Variants in CCDC66 observed in about 807,000 individuals in gnomAD.
CCDC66 encodes coiled-coil domain containing 66.
Under a neutral mutation model 128.3 loss-of-function variants are expected in CCDC66, and 133 were observed. The observed-to-expected ratio is 1.04, with a 90% CI of 0.90 to 1.20. The LOEUF (loss-of-function observed/expected upper bound fraction) is 1.20, where lower values mean the gene tolerates loss of function less well. CCDC66 is among the 50% of genes most tolerant of loss of function. The probability of loss-of-function intolerance (pLI) is 0.00; values close to 1 mark genes in which losing one functional copy is unlikely to be tolerated. For missense variants in CCDC66, 1,126 were observed against 1,075.5 expected (o/e 1.05, Z -0.66); for synonymous variants, 387 against 357.0 (o/e 1.08, Z -0.95).
At chr3:56,569,398 AG>A in intron 6 of CCDC66, 1 of 279,878 alleles carries the variant, frequency 3.6e-6, no homozygotes, top group Non-Finnish European at 7.5e-6. Context: ...TGGAAGGCAA[AG>A]GGGGAGCAGG....
intron 10 of CCDC66, among the ~76,000 whole-genome samples, chr3:56,604,509 A>G (rs967959603): frequency 6.6e-6 from 1 of 151,946 alleles, no homozygotes; most frequent in South Asian, 2.1e-4. Flanking sequence ...TTGTCTATAA[A>G]GGATTTTATT....
Position 56,621,818 on chromosome 3 carries a change from T to TAA in CCDC66, c.*218_*219dup, listed in dbSNP as rs11401064. 11,311 of 133,886 alleles carry TAA rather than the reference T, an allele frequency of 0.084. 602 individuals carry two copies. Among genetic ancestry groups the TAA allele is most frequent in the African/African-American group, 0.15 (5,194 of 34,500 alleles). 8.3% of individuals were successfully genotyped at this position (133,886 alleles called of 1,614,324 possible). On this transcript the variant is annotated 3_prime_UTR_variant, in exon 18 of 18. Transcript: ENST00000394672. ...TACTTCTTTTGTAAAAGCTTAGTAGTAAAAAAAAAAAAAAAAAAACCGGTT... is the reference window on the plus strand; with the variant it reads ...TACTTCTTTTGTAAAAGCTTAGTAGTAAAAAAAAAAAAAAAAAAAAACCGGTT...
rs1393279771 is a variant in CCDC66 at position 56,613,601 on chromosome 3, G to T, written c.1417G>T (p.Ala473Ser). 1 of 1,612,466 alleles carries T rather than the reference G, an allele frequency of 6.2e-7. No individual in the cohort carries two copies. The highest frequency in any genetic ancestry group is 8.5e-7 in the Non-Finnish European group (1 of 1,179,594). ...KQLEHQKAITAQVEEKRRKKQ... is the reference protein window; with the variant it reads ...KQLEHQKAITSQVEEKRRKKQ... Reference sequence around the variant, plus strand: ...TGCTTATGACTAGAAAGCCATCACTGCCCAGGTAGAAGAGAAGCGCAGGAA... The same window carrying T: ...TGCTTATGACTAGAAAGCCATCACTTCCCAGGTAGAAGAGAAGCGCAGGAA... Residue 473 changes from alanine (A) to serine (S), a missense_variant, in exon 11 of 18, where the codon GCC becomes TCC. By Grantham distance (99) the Ala-to-Ser change is moderately conservative. Transcript: ENST00000394672.
At chr3:56,584,729 G>A (rs2069284453) in intron 7 of CCDC66, among the ~76,000 whole-genome samples, 2 of 151,902 alleles carry the variant, frequency 1.3e-5, no homozygotes, top group African/African-American at 2.4e-5. Context: ...ACTTTGGGAG[G>A]CCAAGGCAGG....
Position 56,619,432 on chromosome 3 carries a change from T to C in CCDC66, c.2540T>C (p.Ile847Thr). ...SSGISESSHF[I>T]PYVRTNEIYY... ...GGGATTTCTGAATCATCCCATTTTA[T>C]TCCGTATGTTCGAACAAATGAGATC... Residue 847 changes from isoleucine to threonine, a missense_variant, in exon 16 of 18, where the codon ATT (isoleucine) becomes ACT (threonine). Coordinates refer to ENST00000394672, the MANE Select transcript of CCDC66 (RefSeq NM_001141947.3). 1 of 1,614,102 alleles carries C rather than the reference T, an allele frequency of 6.2e-7. No homozygotes were observed. The highest frequency in any genetic ancestry group is 8.5e-7 in the Non-Finnish European group (1 of 1,179,988).
chr3:56,605,630 C>G (rs1182303621), intron 10 of CCDC66, among the ~76,000 whole-genome samples: 4 of 152,010 alleles, frequency 2.6e-5, no homozygotes, highest in African/African-American at 9.7e-5. Context: ...GCTGCTTGTT[C>G]CTTCCTCTGG....
At chr3:56,569,398 A>G in intron 6 of CCDC66, 1 of 279,882 alleles carries the variant, frequency 3.6e-6, no homozygotes, top group Non-Finnish European at 7.5e-6. Flanking sequence ...TGGAAGGCAA[A>G]GGGGGAGCAG....
chr3:56,595,586 T>C (rs1429579841), intron 10 of CCDC66, among the ~76,000 whole-genome samples: 3 of 152,228 alleles, frequency 2.0e-5, no homozygotes, highest in Non-Finnish European at 4.4e-5. Context: ...TTCTATTCTT[T>C]CTTTATGGCC....
chr3:56,617,934 T>A (rs970203321), intron 14 of CCDC66: 10 of 579,566 alleles, frequency 1.7e-5, no homozygotes, highest in Admixed American at 3.2e-5. Context: ...ATGCTGTGTA[T>A]TCAAATACCC....
intron 7 of CCDC66, among the ~76,000 whole-genome samples, chr3:56,583,001 A>C (rs978449806): frequency 5.3e-5 from 8 of 150,884 alleles, no homozygotes; most frequent in African/African-American, 1.9e-4. Flanking sequence ...TCTCAGCCTT[A>C]CAAGTAGCTG....
chr3:56,594,845 G>A (rs1431502542), intron 10 of CCDC66, among the ~76,000 whole-genome samples: 1 of 152,170 alleles, frequency 6.6e-6, no homozygotes, highest in Non-Finnish European at 1.5e-5. Context: ...GTTATGCTTA[G>A]TCAGTGAGCA....
Position 56,605,844 on chromosome 3 carries a change from G to A in CCDC66, c.1405-7745G>A, listed in dbSNP as rs111537286. 2.9e-4 allele frequency among the ~76,000 whole-genome samples: 44 copies of A among 152,182 alleles called. 1 individual carries two copies. The highest frequency in any genetic ancestry group is 1.0e-3 in the South Asian group (5 of 4,826). The stretch of plus-strand genomic sequence containing the variant: ...CTCTTCAGAGCCATCAGGCAGGGAC[G>A]TTTAAGTCTGCTGAAGCTGCACCCA... On this transcript the variant is annotated intron_variant, in intron 10 of 17. Coordinates refer to ENST00000394672, the MANE Select transcript of CCDC66 (RefSeq NM_001141947.3).
At chr3:56,584,735 G>T (rs925340937) in intron 7 of CCDC66, among the ~76,000 whole-genome samples, 10 of 151,920 alleles carry the variant, frequency 6.6e-5, no homozygotes, top group African/African-American at 2.4e-4. Context: ...GGAGGCCAAG[G>T]CAGGTGGCTG....
chr3:56,568,538 T>C (rs1208745565), intron 6 of CCDC66, among the ~76,000 whole-genome samples: 3 of 152,252 alleles, frequency 2.0e-5, no homozygotes, highest in Non-Finnish European at 4.4e-5. Flanking sequence ...CTCTGAAGTG[T>C]GCACCAAAAA....
At position 56,584,138 on chromosome 3, in the gene CCDC66, C is replaced by T. The variant is rs1375602554; in HGVS notation, c.937-8832C>T. Among the ~76,000 whole-genome samples, 13 of 139,110 alleles carry T rather than the reference C, an allele frequency of 9.3e-5. 1 individual carries two copies. The highest frequency in any genetic ancestry group is 5.0e-4 in the Admixed American group (7 of 13,934). 91.3% of individuals were successfully genotyped at this position (139,110 alleles called of 152,430 possible). On this transcript the variant is annotated intron_variant, in intron 7 of 17. Transcript: ENST00000394672. ...CCCCCCACCTCCCTCCCGGACGGGG[C>T]GGCTGGCCGGGCGGGGGCGGCCCCC...
At chr3:56,610,068 G>A (rs1326213140) in intron 10 of CCDC66, among the ~76,000 whole-genome samples, 2 of 152,154 alleles carry the variant, frequency 1.3e-5, no homozygotes, top group Non-Finnish European at 2.9e-5. Context: ...AGATCTTTTT[G>A]TGTTGAATTT....
chr3:56,569,206 A>G (rs201238744), intron 6 of CCDC66: 1 of 153,196 alleles, frequency 6.5e-6, no homozygotes, highest in Non-Finnish European at 1.4e-5. Flanking sequence ...CAGCAGAAAT[A>G]AGGAGTGAAT....
rs2075374663 is a variant in CCDC66 at position 56,615,472 on chromosome 3, CAG to C, written c.1711+202_1711+203del. 36 of 514,324 alleles carry C rather than the reference CAG, an allele frequency of 7.0e-5. No homozygotes were observed. In the East Asian group the frequency reaches 1.3e-3, roughly 18 times the overall value. The allele number at this position is 514,324 out of a possible 1,614,324, so 31.9% of individuals were successfully genotyped here. A position where few individuals can be genotyped will look rare whatever the true frequency, so the allele number is the denominator to read the frequency against. On this transcript the variant is annotated intron_variant, in intron 12 of 17. Transcript: ENST00000394672. Reference sequence around the variant, plus strand: ...TTGCCCAGGCTGGTCTTGCTGCCTTCAGATGACTCTCCCACCTTGGCCTCCCA... The same window carrying C: ...TTGCCCAGGCTGGTCTTGCTGCCTTCATGACTCTCCCACCTTGGCCTCCCA...
intron 10 of CCDC66, among the ~76,000 whole-genome samples, chr3:56,604,481 A>G (rs374111759): frequency 6.6e-6 from 1 of 152,012 alleles, no homozygotes; most frequent in Non-Finnish European, 1.5e-5. Context: ...GGTGGTGACA[A>G]AATCTCTCAG....
Sources: gnomAD v4.1 joint callset for allele counts (sites outside exome capture counted in the v4.1 genomes callset) on GRCh38, gnomAD v4.1.1 for gene constraint, MANE v1.5 for transcripts, NCBI Gene and HGNC (gene_info 2026-07-23, HGNC 2026-07-21) for gene names.